ADGRG2: variants seen among roughly 807,000 people sequenced by gnomAD.
ADGRG2 encodes the protein G protein-coupled receptor 64.
A neutral mutation model predicts 74.1 loss-of-function variants in ADGRG2; 26 were observed. That is an observed-to-expected ratio of 0.35 (90% confidence interval 0.26 to 0.49). ADGRG2 has a LOEUF of 0.49. Ranked by LOEUF, ADGRG2 falls within the 20% of genes least tolerant of loss-of-function variation. The probability of loss-of-function intolerance (pLI) is 0.99; values close to 1 mark genes in which losing one functional copy is unlikely to be tolerated. For synonymous variants in ADGRG2, 296 were observed against 295.2 expected, an observed-to-expected ratio of 1.00 and a Z score of -0.03; for missense variants, 619 against 763.1, an observed-to-expected ratio of 0.81 and a Z score of 2.22.
intron 27 of ADGRG2, among the ~76,000 whole-genome samples, chrX:18,995,300 G>A (rs1233525065): frequency 8.9e-6 from 1 of 112,011 alleles, no homozygotes; most frequent in African/African-American, 3.2e-5. Context: ...ATTTGATTAT[G>A]TCTATAAATA....
chrX:19,039,641 G>A (rs2061015352), intron 4 of ADGRG2, among the ~76,000 whole-genome samples: 1 of 111,767 alleles, frequency 8.9e-6, no homozygotes, highest in Non-Finnish European at 1.9e-5. Flanking sequence ...GACAGGGCTG[G>A]GTCACTTTAT....
chrX:19,091,533 C>CACACAG (rs1171099232), intron 1 of ADGRG2, among the ~76,000 whole-genome samples: 1 of 107,570 alleles, frequency 9.3e-6, no homozygotes, highest in Admixed American at 9.9e-5. Context: ...CACACACACA[C>CACACAG]ACACGAAAAT....
chrX:19,003,818 C>G (rs749208792), intron 23 of ADGRG2, among the ~76,000 whole-genome samples: 1 of 112,028 alleles, frequency 8.9e-6, no homozygotes, highest in Non-Finnish European at 1.9e-5. Flanking sequence ...CAAAATTTAA[C>G]CAAGATTCCC....
chrX:19,004,250 C>G (rs908726039), intron 23 of ADGRG2, among the ~76,000 whole-genome samples: 8 of 112,251 alleles, frequency 7.1e-5, no homozygotes, highest in African/African-American at 2.6e-4. Flanking sequence ...GAAGGAAAGG[C>G]TGTTTTTTAG....
At chrX:19,121,230 G>A (rs769634069) in intron 1 of ADGRG2, among the ~76,000 whole-genome samples, 1 of 111,657 alleles carries the variant, frequency 9.0e-6, no homozygotes, top group East Asian at 2.8e-4. Flanking sequence ...GCCATGCGTT[G>A]AGACCCCTTT....
chrX:19,049,016 A>G (rs918173458), intron 3 of ADGRG2, among the ~76,000 whole-genome samples: 6 of 110,842 alleles, frequency 5.4e-5, no homozygotes, highest in African/African-American at 2.0e-4. Context: ...CTCTACCCCA[A>G]CCTTATCTTC....
chrX:19,114,122 G>A (rs1265611698), intron 1 of ADGRG2, among the ~76,000 whole-genome samples: 2 of 100,505 alleles, frequency 2.0e-5, no homozygotes, highest in East Asian at 6.1e-4. Context: ...AGAAGACAAA[G>A]AGGATGAGGG....
intron 3 of ADGRG2, among the ~76,000 whole-genome samples, chrX:19,056,534 A>G (rs1233412513): frequency 8.9e-6 from 1 of 112,115 alleles, no homozygotes; most frequent in African/African-American, 3.2e-5. Flanking sequence ...ACTACATGCT[A>G]GTAAAAAACC....
At chrX:19,102,723 T>TCTCTCC (rs371476857) in intron 1 of ADGRG2, among the ~76,000 whole-genome samples, 7,748 of 107,270 alleles carry the variant, frequency 0.072, 556 homozygotes, top group African/African-American at 0.2. Flanking sequence ...GGGTAACCTG[T>TCTCTCC]CTCTCCCTCT....
At chrX:18,998,921 C>A in intron 26 of ADGRG2, 75 bp downstream of exon 26, 1 of 848,983 alleles carries the variant, frequency 1.2e-6, no homozygotes, top group Non-Finnish European at 1.7e-6. Context: ...TGAGGCATGC[C>A]TGTACTCTTT....
intron 9 of ADGRG2, 40 bp downstream of exon 9, chrX:19,030,944 G>A: frequency 1.1e-6 from 1 of 928,422 alleles, no homozygotes. Flanking sequence ...CTCTATGGAG[G>A]AAATTTATCT....
At chrX:19,074,968 C>T (rs1243786426) in intron 2 of ADGRG2, among the ~76,000 whole-genome samples, 1 of 110,983 alleles carries the variant, frequency 9.0e-6, no homozygotes, top group Non-Finnish European at 1.9e-5. Flanking sequence ...GTAATGTAAG[C>T]AATGAAGCCC....
At chrX:19,094,125 A>C (rs1290092178) in intron 1 of ADGRG2, among the ~76,000 whole-genome samples, 3 of 111,519 alleles carry the variant, frequency 2.7e-5, no homozygotes, top group African/African-American at 6.5e-5. Context: ...TAGAGTGTGG[A>C]TAGATGGATA....
chrX:19,023,207 C>T (rs2060630467), intron 13 of ADGRG2, among the ~76,000 whole-genome samples: 1 of 111,565 alleles, frequency 9.0e-6, no homozygotes, highest in African/African-American at 3.3e-5. Flanking sequence ...ATACTACACA[C>T]TTCTCTGTAC....
At chrX:19,078,944 C>A (rs749724814) in intron 2 of ADGRG2, among the ~76,000 whole-genome samples, 2 of 110,397 alleles carry the variant, frequency 1.8e-5, no homozygotes, top group African/African-American at 6.6e-5. Context: ...ATAAGAGGTA[C>A]GGAAAAAGCA....
intron 15 of ADGRG2, among the ~76,000 whole-genome samples, chrX:19,017,996 C>G (rs902143845): frequency 8.9e-6 from 1 of 111,962 alleles, no homozygotes; most frequent in African/African-American, 3.2e-5. Flanking sequence ...TCATGTGTGA[C>G]TTTCAGAGTC....
At chrX:19,000,490 A>G (rs1359955470) in intron 24 of ADGRG2, among the ~76,000 whole-genome samples, 3 of 111,563 alleles carry the variant, frequency 2.7e-5, no homozygotes, top group African/African-American at 9.8e-5. Context: ...CCCATGGGAT[A>G]CGGGCACAAG....
chrX:19,059,961 G>A (rs1022990167), intron 3 of ADGRG2, among the ~76,000 whole-genome samples: 5 of 110,700 alleles, frequency 4.5e-5, no homozygotes, highest in South Asian at 3.9e-4. Flanking sequence ...GCAAAACCCC[G>A]TCTCTACTAA....
At chrX:19,021,014 A>G (rs2060577424) in intron 14 of ADGRG2, 90 bp downstream of exon 14, 3 of 569,316 alleles carry the variant, frequency 5.3e-6, no homozygotes, top group Non-Finnish European at 8.9e-6. Context: ...AAGCTGTAAC[A>G]TATGTAAATT....
Sources: allele counts gnomAD v4.1 joint callset (sites outside exome capture counted in the v4.1 genomes callset), GRCh38; gene constraint gnomAD v4.1.1; transcripts MANE v1.5; gene names NCBI Gene and HGNC (gene_info 2026-07-23, HGNC 2026-07-21).